EFNA2: variants seen among roughly 807,000 people sequenced by gnomAD.
EFNA2 encodes ephrin A2, also known as ephrin-A2.
Under a neutral mutation model 19.7 loss-of-function variants are expected in EFNA2, and 18 were observed. That is an observed-to-expected ratio of 0.91 (90% CI 0.63 to 1.35). The LOEUF is 1.35. EFNA2 is among the 40% of genes most tolerant of loss of function. EFNA2 has a pLI of 0.00. For missense variants in EFNA2, 303 were observed against 296.0 expected (o/e 1.02, Z -0.17); for synonymous variants, 187 against 137.8 (o/e 1.36, Z -2.50).
At chr19:1,285,475 C>G (rs2081458772), upstream of EFNA2, among the ~76,000 whole-genome samples, 1 of 152,198 alleles carries the variant, frequency 6.6e-6, no homozygotes, top group African/African-American at 2.4e-5. This position sits in a 1 kb window ranked among gnomAD's most constrained non-coding sequence, Gnocchi z 4.1. Flanking sequence ...TGGCCAGCGC[C>G]CCTCTGAAAC....
Position 1,299,481 on chromosome 19 carries a change from G to A in EFNA2, c.521-343G>A, listed in dbSNP as rs146656156. On this transcript the variant is annotated intron_variant, in intron 3 of 3. Coordinates refer to ENST00000215368, the MANE Select transcript of EFNA2 (RefSeq NM_001405.4). The stretch of plus-strand genomic sequence containing the variant: ...TGAAGCTGGAGAATCGCCTGAACCC[G>A]GGAGGCGGAGGTTGCAGTGAGCCCA... Among the ~76,000 whole-genome samples, 1,442 of 152,022 alleles carry A rather than the reference G, an allele frequency of 9.5e-3. 30 individuals are homozygous for A. Among genetic ancestry groups the A allele is most frequent in the African/African-American group, 0.033 (1,379 of 41,436 alleles).
At chr19:1,299,699 G>C (rs947078093) in intron 3 of EFNA2, 125 bp from the exon 4 acceptor site, 82 of 1,331,644 alleles carry the variant, frequency 6.2e-5, no homozygotes, top group Non-Finnish European at 8.0e-5. Context: ...CCAAGAGGGA[G>C]CAGAGGGCCT....
chr19:1,286,211 C>T lies in EFNA2; in HGVS notation c.43C>T (p.Leu15=), dbSNP rs1242419059. 8.1e-6 allele frequency: 9 copies of T among 1,105,224 alleles called. No homozygotes were observed. Among genetic ancestry groups the T allele is most frequent in the Non-Finnish European group, 1.0e-5 (9 of 896,236 alleles). The allele number at this position is 1,105,224 out of a possible 1,614,324, so 68.5% of individuals were successfully genotyped here. A position where few individuals can be genotyped will look rare whatever the true frequency, so the allele number is the denominator to read the frequency against. The part of the protein sequence containing the change: ...QRPLLPLLLL[L]LPLPPPPFAR... ...CCCGCTGCTCCCGCTGCTGCTCCTG[C>T]TGTTACCGCTGCCGCCGCCGCCCTT... Residue 15 remains leucine (L), a synonymous_variant, in exon 1 of 4, where the codon CTG becomes TTG. Transcript: ENST00000215368. The surrounding 1 kb of genome is among the most constrained non-coding windows in gnomAD (Gnocchi z 5.6).
intron 1 of EFNA2, among the ~76,000 whole-genome samples, chr19:1,292,191 A>G (rs1447001683): frequency 1.3e-5 from 2 of 152,168 alleles, no homozygotes; most frequent in Admixed American, 6.5e-5. Context: ...AACAGGGGCA[A>G]CGCGCCCACC....
intron 1 of EFNA2, among the ~76,000 whole-genome samples, chr19:1,291,922 C>T (rs1444205262): frequency 1.3e-5 from 2 of 152,130 alleles, no homozygotes; most frequent in Non-Finnish European, 2.9e-5. Context: ...TTGGCACCCG[C>T]AGGTTGAGTG....
chr19:1,298,322 G>T (rs1291173928), intron 2 of EFNA2, among the ~76,000 whole-genome samples: 1 of 152,170 alleles, frequency 6.6e-6, no homozygotes, highest in Non-Finnish European at 1.5e-5. Flanking sequence ...ACACCCCCAG[G>T]TTCTGGGGTC....
chr19:1,298,498 G>T (rs2081525863), intron 2 of EFNA2, 53 bp from the exon 3 acceptor site: 6 of 1,589,630 alleles, frequency 3.8e-6, no homozygotes, highest in Non-Finnish European at 5.2e-6. Flanking sequence ...GCCCCAGGAG[G>T]TCTCAGGCAC....
chr19:1,300,983 G>C lies in EFNA2; in HGVS notation c.*1038G>C, dbSNP rs549911513. Among the ~76,000 whole-genome samples the C allele has an allele frequency of 2.0e-3, 309 of 151,450 alleles. 9 individuals are homozygous for C. In the South Asian group the frequency reaches 0.06, roughly 29 times the overall value. On this transcript the variant is annotated 3_prime_UTR_variant, in exon 4 of 4. Coordinates refer to ENST00000215368, the MANE Select transcript of EFNA2 (RefSeq NM_001405.4). Reference sequence around the variant, plus strand: ...TCTTTTATTTTGGTGGGGGGGTGGGGTGGACTTTTAGAGTAGAAGCTGCAC... The same window carrying C: ...TCTTTTATTTTGGTGGGGGGGTGGGCTGGACTTTTAGAGTAGAAGCTGCAC...
At chr19:1,298,502 CAGGCACCAAG>C in intron 2 of EFNA2, 39 bp from the exon 3 acceptor site, 1 of 1,598,098 alleles carries the variant, frequency 6.3e-7, no homozygotes, top group Non-Finnish European at 8.6e-7. Context: ...CAGGAGGTCT[CAGGCACCAAG>C]AGGCACTTCC....
At chr19:1,293,646 A>AC (rs5826730) in intron 1 of EFNA2, among the ~76,000 whole-genome samples, 32,118 of 152,178 alleles carry the variant, frequency 0.21, 4,167 homozygotes, top group African/African-American at 0.36. Context: ...ACGCCCTCCC[A>AC]TGTCCCCTGT....
chr19:1,298,982 G>A (rs1020148879), intron 3 of EFNA2, among the ~76,000 whole-genome samples: 7 of 152,208 alleles, frequency 4.6e-5, no homozygotes, highest in Non-Finnish European at 7.3e-5. Flanking sequence ...GCTCACGCCT[G>A]TAATCCCAAC....
Position 1,295,654 on chromosome 19 carries a change from G to A in EFNA2, c.250G>A (p.Glu84Lys), listed in dbSNP as rs2081510665. 10 of 1,611,646 alleles carry A rather than the reference G, an allele frequency of 6.2e-6. No individual in the cohort carries two copies. Among genetic ancestry groups the A allele is most frequent in the Non-Finnish European group, 8.5e-6 (10 of 1,179,402 alleles). ...PHYGAPLPPA[E>K]RMEHYVLYMV... The stretch of plus-strand genomic sequence containing the variant: ...CTATGGGGCGCCGCTGCCGCCGGCC[G>A]AGCGCATGGAGCACTACGTGCTGTA... Residue 84 changes from glutamate (E) to lysine (K), a missense_variant, in exon 2 of 4, where the codon GAG (glutamate) becomes AAG (lysine). Coordinates refer to ENST00000215368, the MANE Select transcript of EFNA2 (RefSeq NM_001405.4). The surrounding 1 kb of genome is among the most constrained non-coding windows in gnomAD (Gnocchi z 5.8).
chr19:1,288,013 C>A (rs766720307), intron 1 of EFNA2, among the ~76,000 whole-genome samples: 3 of 152,274 alleles, frequency 2.0e-5, no homozygotes, highest in Non-Finnish European at 4.4e-5. Context: ...CCAGCCACCT[C>A]CTGTTGCTCC....
At position 1,286,163 on chromosome 19, in the gene EFNA2, G is replaced by A. The variant is rs1024599987; in HGVS notation, c.-6G>A. On this transcript the variant is annotated 5_prime_UTR_variant, in exon 1 of 4. Coordinates refer to ENST00000215368, the MANE Select transcript of EFNA2 (RefSeq NM_001405.4). The surrounding 1 kb of genome is among the most constrained non-coding windows in gnomAD (Gnocchi z 5.6). ...GGAGAGCGAGCGCGGCGGCCGGACC[G>A]GGGCCATGGCGCCCGCGCAGCGCCC... 2.1e-6 allele frequency: 2 copies of A among 969,688 alleles called. No homozygotes were observed. The highest frequency in any genetic ancestry group is 2.5e-6 in the Non-Finnish European group (2 of 814,248). 60.1% of individuals were successfully genotyped at this position (969,688 alleles called of 1,614,324 possible). A position where few individuals can be genotyped will look rare whatever the true frequency, so the allele number is the denominator to read the frequency against.
upstream of EFNA2, among the ~76,000 whole-genome samples, chr19:1,284,553 A>G (rs1029025342): frequency 3.3e-5 from 5 of 152,218 alleles, no homozygotes; most frequent in African/African-American, 1.2e-4. The surrounding 1 kb of genome is among the most constrained non-coding windows in gnomAD (Gnocchi z 5.3). Context: ...CAGCCTGAAC[A>G]AAGGTCAGGT....
rs897137710 is a variant in EFNA2, at chr19:1,287,502, C to T, written c.140+1194C>T. ...TGTCCCCTCTGTCTCCTGCTGTCCT[C>T]GGTCCCCGGGAGGAAAGTTGCATGA... On this transcript the variant is annotated intron_variant, in intron 1 of 3. Coordinates refer to ENST00000215368, the MANE Select transcript of EFNA2 (RefSeq NM_001405.4). The surrounding 1 kb of genome is among the most constrained non-coding windows in gnomAD (Gnocchi z 6.2). Among the ~76,000 whole-genome samples, 6 of 152,272 alleles carry T rather than the reference C, an allele frequency of 3.9e-5. No individual in the cohort carries two copies. The highest frequency in any genetic ancestry group is 8.8e-5 in the Non-Finnish European group (6 of 67,990).
In EFNA2 at chr19:1,301,238, T is replaced by C. The variant is rs923469575; in HGVS notation, c.*1293T>C. ...GTTTTATATATATTATATATAAATA[T>C]ATATTGTGTACGGCCGCCGGCCGGC... On this transcript the variant is annotated 3_prime_UTR_variant, in exon 4 of 4. Coordinates refer to ENST00000215368, the MANE Select transcript of EFNA2 (RefSeq NM_001405.4). 6.7e-6 allele frequency among the ~76,000 whole-genome samples: 1 copy of C among 148,598 alleles called. No individual in the cohort carries two copies. Among genetic ancestry groups the C allele is most frequent in the Non-Finnish European group, 1.5e-5 (1 of 67,350 alleles).
rs773353726 is a variant in EFNA2, at chr19:1,287,879, G to A, written c.140+1571G>A. On this transcript the variant is annotated intron_variant, in intron 1 of 3. Coordinates refer to ENST00000215368, the MANE Select transcript of EFNA2 (RefSeq NM_001405.4). The surrounding 1 kb of genome is among the most constrained non-coding windows in gnomAD (Gnocchi z 6.2). ...GCAAACGCCAAACACACGAGGACCC[G>A]GCAACCGGGGGAGGAAGGTGGTCAC... 6.6e-4 allele frequency among the ~76,000 whole-genome samples: 101 copies of A among 152,354 alleles called. No homozygotes were observed. Among genetic ancestry groups the A allele is most frequent in the Non-Finnish European group, 1.3e-3 (90 of 68,030 alleles).
rs1555759452 is a variant in EFNA2 at position 1,295,764 on chromosome 19, CG to C, written c.366del (p.Pro123ArgfsTer44). 2 of 1,604,292 alleles carry C rather than the reference CG, an allele frequency of 1.2e-6. No individual in the cohort carries two copies. The highest frequency in any genetic ancestry group is 2.3e-5 in the East Asian group (1 of 44,338). On this transcript the variant is annotated frameshift_variant, in exon 2 of 4. Transcript: ENST00000215368. LOFTEE classifies it high-confidence loss of function. This position sits in a 1 kb window ranked among gnomAD's most constrained non-coding sequence, Gnocchi z 5.8. ...GGGAGTGCAACCGGCCCGCGGCGCC[CG>C]GGGGGCCGCTCAAGTTCTCGGAGAA... ...RWECNRPAAP[G>X]GPLKFSEKFQ...
Sources: gnomAD v4.1 joint callset for allele counts (sites outside exome capture counted in the v4.1 genomes callset) on GRCh38, gnomAD v4.1.1 for gene constraint, Gnocchi (gnomAD v3.1) non-coding constraint, MANE v1.5 for transcripts, NCBI Gene and HGNC (gene_info 2026-07-23, HGNC 2026-07-21) for gene names.